The following RNF216 variants were observed in gnomAD, a reference collection of about 807,000 sequenced individuals.
RNF216 encodes the protein ring finger protein 216.
A neutral mutation model predicts 110.8 loss-of-function variants in RNF216; 72 were observed. The observed-to-expected ratio is 0.65, with a 90% CI of 0.54 to 0.79. The LOEUF (loss-of-function observed/expected upper bound fraction) is 0.79, where lower values mean the gene tolerates loss of function less well. RNF216 is among the 30% of genes least tolerant of loss of function. The pLI is 0.00. For synonymous variants in RNF216, 495 were observed against 407.5 expected, an observed-to-expected ratio of 1.21 and a Z score of -2.59; for missense variants, 1,342 against 1,141.2, an observed-to-expected ratio of 1.18 and a Z score of -2.54.
intron 13 of RNF216, chr7:5,666,740 C>T (rs1328053887): frequency 2.6e-5 from 4 of 152,060 alleles, no homozygotes; most frequent in African/African-American, 9.7e-5. Flanking sequence ...TGACTAAGCC[C>T]CTTCCAAAGG....
chr7:5,751,556 T>C (rs1176691080), intron 3 of RNF216, among the ~76,000 whole-genome samples: 1 of 152,200 alleles, frequency 6.6e-6, no homozygotes, highest in East Asian at 1.9e-4. Context: ...GGAATCATAA[T>C]GAATTTCCCT....
In RNF216 at chr7:5,624,077, C is replaced by T. The variant is rs770633469; in HGVS notation, c.2431G>A (p.Glu811Lys). 1.2e-6 allele frequency: 2 copies of T among 1,613,744 alleles called. No individual in the cohort carries two copies. Among genetic ancestry groups the T allele is most frequent in the Non-Finnish European group, 1.7e-6 (2 of 1,179,952 alleles). Residue 811 changes from glutamate (E) to lysine (K), a missense_variant, in exon 16 of 17, where the codon GAA becomes AAA. By Grantham distance (56) the Glu-to-Lys change is moderately conservative (BLOSUM62 1). Coordinates refer to ENST00000389902, the MANE Select transcript of RNF216 (RefSeq NM_207111.4). The surrounding 1 kb of genome is among the most constrained non-coding windows in gnomAD (Gnocchi z 4.4). ...IEEIQKEAEE[E>K]QKRKNGENTF... is the part of the protein sequence containing the mutation. ...TTGCCTCCATTCTTTCTTTTCTGTTCCTCTTCAGCCTCCTTCTGGATTTCC... is the reference window on the plus strand; with the variant it reads ...TTGCCTCCATTCTTTCTTTTCTGTTTCTCTTCAGCCTCCTTCTGGATTTCC...
intron 15 of RNF216, among the ~76,000 whole-genome samples, chr7:5,637,921 C>T (rs1787494702): frequency 6.6e-6 from 1 of 152,216 alleles, no homozygotes. Flanking sequence ...TCTTGGCTCA[C>T]TGCAATCTCT....
intron 3 of RNF216, among the ~76,000 whole-genome samples, chr7:5,752,351 A>G (rs1795375742): frequency 1.3e-5 from 2 of 152,328 alleles, no homozygotes; most frequent in Non-Finnish European, 1.5e-5. Flanking sequence ...ACTATATGAA[A>G]AGACAAAATT....
chr7:5,714,234 T>C (rs1397440372), intron 11 of RNF216, among the ~76,000 whole-genome samples: 1 of 152,124 alleles, frequency 6.6e-6, no homozygotes, highest in Non-Finnish European at 1.5e-5. Flanking sequence ...GTGCTGGGAT[T>C]ACAGGCATAA....
intron 5 of RNF216, among the ~76,000 whole-genome samples, chr7:5,732,391 A>C (rs897751084): frequency 6.6e-6 from 1 of 152,232 alleles, no homozygotes; most frequent in Non-Finnish European, 1.5e-5. Flanking sequence ...TCTCAAGTAA[A>C]TGATACATAA....
At chr7:5,636,939 G>A (rs1787431970) in intron 15 of RNF216, among the ~76,000 whole-genome samples, 1 of 152,166 alleles carries the variant, frequency 6.6e-6, no homozygotes, top group Admixed American at 6.6e-5. Flanking sequence ...ACGGGAGGAG[G>A]CAGCAGAAGA....
chr7:5,745,371 C>A (rs1458414158), intron 3 of RNF216, among the ~76,000 whole-genome samples: 2 of 152,162 alleles, frequency 1.3e-5, no homozygotes, highest in Non-Finnish European at 1.5e-5. Context: ...CAAAAAGGCA[C>A]CATCACATTT....
chr7:5,778,617 T>C (rs965042106), intron 1 of RNF216, among the ~76,000 whole-genome samples: 2 of 152,198 alleles, frequency 1.3e-5, no homozygotes, highest in Non-Finnish European at 2.9e-5. Context: ...TCAGAATAAA[T>C]AGCACTCACT....
At chr7:5,747,107 T>C (rs774620008) in intron 3 of RNF216, among the ~76,000 whole-genome samples, 1 of 152,246 alleles carries the variant, frequency 6.6e-6, no homozygotes, top group Non-Finnish European at 1.5e-5. Flanking sequence ...CTACTAACTC[T>C]GAGTTGCCTT....
intron 13 of RNF216, among the ~76,000 whole-genome samples, chr7:5,675,537 G>A (rs1254034928): frequency 6.6e-6 from 1 of 152,046 alleles, no homozygotes; most frequent in Non-Finnish European, 1.5e-5. Context: ...AGCTACTCAG[G>A]AGGCTGAGGC....
chr7:5,745,233 C>T (rs1794970370), intron 3 of RNF216, among the ~76,000 whole-genome samples: 1 of 152,082 alleles, frequency 6.6e-6, no homozygotes, highest in Non-Finnish European at 1.5e-5. Flanking sequence ...GAAGAAAAAC[C>T]ACATGACAAT....
chr7:5,636,958 G>T (rs895277956), intron 15 of RNF216, among the ~76,000 whole-genome samples: 1 of 152,118 alleles, frequency 6.6e-6, no homozygotes, highest in Non-Finnish European at 1.5e-5. Flanking sequence ...GACACAGAAC[G>T]AGGAGGAGAA....
intron 15 of RNF216, among the ~76,000 whole-genome samples, chr7:5,639,761 T>A (rs1787618988): frequency 6.6e-6 from 1 of 150,380 alleles, no homozygotes; most frequent in Non-Finnish European, 1.5e-5. Context: ...TGCCTAGCCT[T>A]AATTTTTTTT....
In RNF216 at chr7:5,706,272, CA is replaced by C. The variant is rs1260526917; in HGVS notation, c.2061+5488del. On this transcript the variant is annotated intron_variant, in intron 13 of 16. Coordinates refer to ENST00000389902, the MANE Select transcript of RNF216 (RefSeq NM_207111.4). ...GAAAACACACAATACAAAAACTACC[CA>C]ATTAACACATTTTTAAGTGTACAGG... 4.0e-5 allele frequency among the ~76,000 whole-genome samples: 6 copies of C among 151,460 alleles called. 1 individual carries two copies. In the East Asian group the frequency reaches 1.2e-3, roughly 29 times the overall value.
At chr7:5,759,485 C>T (rs1268060338) in intron 2 of RNF216, among the ~76,000 whole-genome samples, 2 of 152,122 alleles carry the variant, frequency 1.3e-5, no homozygotes, top group Non-Finnish European at 2.9e-5. Context: ...CTTAATCACA[C>T]TTCTTTTCTG....
intron 13 of RNF216, among the ~76,000 whole-genome samples, chr7:5,662,879 A>T (rs1428040477): frequency 2.6e-5 from 4 of 152,062 alleles, no homozygotes; most frequent in Non-Finnish European, 5.9e-5. Context: ...CCTGAAGGCT[A>T]TCTGGTAGAG....
Position 5,650,909 on chromosome 7 carries a change from T to C in RNF216, c.2159+1504A>G, listed in dbSNP as rs147580587. On this transcript the variant is annotated intron_variant, in intron 14 of 16. Transcript: ENST00000389902. ...ACTTGGGAAACTGCCCAAATTGCCATTGCCCACTTCATTTTCTGAGTACCA... is the reference window on the plus strand; with the variant it reads ...ACTTGGGAAACTGCCCAAATTGCCACTGCCCACTTCATTTTCTGAGTACCA... Among the ~76,000 whole-genome samples, 456 of 152,312 alleles carry C rather than the reference T, an allele frequency of 3.0e-3. 1 individual carries two copies. Among genetic ancestry groups the C allele is most frequent in the African/African-American group, 0.01 (420 of 41,584 alleles).
chr7:5,727,205 T>C (rs1392224182), intron 7 of RNF216, among the ~76,000 whole-genome samples: 1 of 152,184 alleles, frequency 6.6e-6, no homozygotes, highest in Non-Finnish European at 1.5e-5. Context: ...GGTGATCTCA[T>C]CTCTCTTTCA....
Sources: allele counts gnomAD v4.1 joint callset (sites outside exome capture counted in the v4.1 genomes callset), GRCh38; gene constraint gnomAD v4.1.1; non-coding constraint Gnocchi (gnomAD v3.1); transcripts MANE v1.5; gene names NCBI Gene and HGNC (gene_info 2026-07-23, HGNC 2026-07-21).